Variants in ILRUN observed in about 807,000 individuals in gnomAD.
The protein encoded by ILRUN is protein ILRUN.
A neutral mutation model predicts 33.8 loss-of-function variants in ILRUN; 3 were observed. That is an observed-to-expected ratio of 0.09 (90% CI 0.04 to 0.23). The LOEUF (loss-of-function observed/expected upper bound fraction) is 0.23. ILRUN is among the 10% of genes least tolerant of loss of function. The pLI is 1.00. For synonymous variants in ILRUN, 124 were observed against 138.9 expected, an observed-to-expected ratio of 0.89 and a Z score of 0.75; for missense variants, 210 against 375.1, an observed-to-expected ratio of 0.56 and a Z score of 3.64.
chr6:34,646,443 A>G lies in ILRUN; in HGVS notation c.511+158T>C, dbSNP rs538104447. 6.6e-6 allele frequency among the ~76,000 whole-genome samples: 1 copy of G among 152,332 alleles called. No individual in the cohort carries two copies. Among genetic ancestry groups the G allele is most frequent in the Admixed American group, 6.5e-5 (1 of 15,302 alleles). ...AAAAGAAAGAGCACTAGACTAATCA[A>G]TTAGTCATAAAATGCAAATCATTTA... On this transcript the variant is annotated intron_variant, in intron 3 of 4. Coordinates refer to ENST00000374023, the MANE Select transcript of ILRUN (RefSeq NM_024294.4). The surrounding 1 kb of genome is among the most constrained non-coding windows in gnomAD (Gnocchi z 4.9).
At chr6:34,675,081 G>T (rs1424438759) in intron 1 of ILRUN, among the ~76,000 whole-genome samples, 1 of 152,148 alleles carries the variant, frequency 6.6e-6, no homozygotes, top group Non-Finnish European at 1.5e-5. Flanking sequence ...AAGAGTTCTA[G>T]ACCAGCCCGG....
intron 4 of ILRUN, among the ~76,000 whole-genome samples, chr6:34,594,441 A>T (rs1265079758): frequency 6.6e-6 from 1 of 152,178 alleles, no homozygotes; most frequent in East Asian, 1.9e-4. Flanking sequence ...CCAGAAAAAA[A>T]CTCTGGTATC....
chr6:34,596,009 C>T, intron 4 of ILRUN: 1 of 862,242 alleles, frequency 1.2e-6, no homozygotes, highest in Non-Finnish European at 1.4e-6. Context: ...ATTTATACTG[C>T]AAACATTGTG....
At position 34,646,810 on chromosome 6, in the gene ILRUN, C is replaced by CA; in HGVS notation, c.314-13dup. 6.2e-7 allele frequency: 1 copy of CA among 1,610,100 alleles called. No individual in the cohort carries two copies. Among genetic ancestry groups the CA allele is most frequent in the Admixed American group, 1.7e-5 (1 of 59,170 alleles). On this transcript the variant is annotated splice_polypyrimidine_tract_variant and intron_variant, in intron 2 of 4. Coordinates refer to ENST00000374023, the MANE Select transcript of ILRUN (RefSeq NM_024294.4). This position sits in a 1 kb window ranked among gnomAD's most constrained non-coding sequence, Gnocchi z 4.9. Reference sequence around the variant, plus strand: ...CCAGGCCTCTGCCCCTGAGTTCAAGCAAAAGAAAAAAATGTTAGGCAATCA... The same window carrying CA: ...CCAGGCCTCTGCCCCTGAGTTCAAGCAAAAAGAAAAAAATGTTAGGCAATCA...
chr6:34,633,915 G>A (rs1762301310), intron 3 of ILRUN, among the ~76,000 whole-genome samples: 3 of 109,156 alleles, frequency 2.7e-5, no homozygotes, highest in Middle Eastern at 0.011. Context: ...GAGGGAGGGA[G>A]GGAGGGAATG....
intron 1 of ILRUN, among the ~76,000 whole-genome samples, chr6:34,674,698 T>G (rs1298597002): frequency 1.3e-5 from 2 of 152,144 alleles, no homozygotes. Flanking sequence ...CATTTGTAAT[T>G]TGGATAAAAT....
intron 1 of ILRUN, among the ~76,000 whole-genome samples, chr6:34,694,984 G>A (rs1199159042): frequency 6.7e-6 from 1 of 149,274 alleles, no homozygotes; most frequent in Non-Finnish European, 1.5e-5. Context: ...CTGGGAGGCA[G>A]AGGTTGCAGT....
At position 34,588,395 on chromosome 6, in the gene ILRUN, C is replaced by G. The variant is rs2127303462; in HGVS notation, c.*2170G>C. The G allele has an allele frequency of 2.5e-6, 1 of 396,788 alleles. No individual in the cohort carries two copies. The highest frequency in any genetic ancestry group is 4.4e-6 in the Non-Finnish European group (1 of 225,426). The allele number at this position is 396,788 out of a possible 1,614,324, so 24.6% of individuals were successfully genotyped here. Reference sequence around the variant, plus strand: ...CCCAGTGTTGGGCAGAAGAGGAAGTCAGGAAAGCAGGGGTTGTGAAGCCTC... The same window carrying G: ...CCCAGTGTTGGGCAGAAGAGGAAGTGAGGAAAGCAGGGGTTGTGAAGCCTC... On this transcript the variant is annotated 3_prime_UTR_variant, in exon 5 of 5. Coordinates refer to ENST00000374023, the MANE Select transcript of ILRUN (RefSeq NM_024294.4).
chr6:34,653,070 C>G (rs1361934339), intron 2 of ILRUN, among the ~76,000 whole-genome samples: 1 of 149,010 alleles, frequency 6.7e-6, no homozygotes, highest in East Asian at 2.0e-4. Context: ...ATTATTTGAG[C>G]CCAGGAGGCC....
intron 1 of ILRUN, among the ~76,000 whole-genome samples, chr6:34,673,912 C>G (rs1289515037): frequency 6.6e-6 from 1 of 151,008 alleles, no homozygotes; most frequent in East Asian, 1.9e-4. Flanking sequence ...CATACACACA[C>G]ACACACACAC....
chr6:34,623,661 A>G (rs1017438424), intron 3 of ILRUN, among the ~76,000 whole-genome samples: 3 of 152,218 alleles, frequency 2.0e-5, no homozygotes, highest in African/African-American at 7.2e-5. Context: ...AATCAAAATG[A>G]TAGCTACAGT....
chr6:34,656,050 T>C (rs921120016), intron 1 of ILRUN, among the ~76,000 whole-genome samples: 1 of 151,806 alleles, frequency 6.6e-6, no homozygotes, highest in Admixed American at 6.6e-5. Context: ...CTGGCCAACA[T>C]AGTGAAACCC....
At chr6:34,696,363 T>C in intron 1 of ILRUN, 83 bp downstream of exon 1, 2 of 1,420,938 alleles carry the variant, frequency 1.4e-6, no homozygotes, top group South Asian at 2.7e-5. Context: ...TGGCTCGCCC[T>C]GCCGCCAAGC....
chr6:34,613,944 AC>A (rs1284012783), intron 3 of ILRUN, among the ~76,000 whole-genome samples: 2 of 152,322 alleles, frequency 1.3e-5, no homozygotes, highest in Non-Finnish European at 2.9e-5. Context: ...CATGGAAAAT[AC>A]AAGATGAATC....
Position 34,652,195 on chromosome 6 carries a change from T to C in ILRUN, c.313+2430A>G, listed in dbSNP as rs550262023. On this transcript the variant is annotated intron_variant, in intron 2 of 4. Coordinates refer to ENST00000374023, the MANE Select transcript of ILRUN (RefSeq NM_024294.4). ...ATGAAGAAACTGTCTTGATATTTTTTTAAAAGCAGGCAAAATCAAGCAAGG... is the reference window on the plus strand; with the variant it reads ...ATGAAGAAACTGTCTTGATATTTTTCTAAAAGCAGGCAAAATCAAGCAAGG... Among the ~76,000 whole-genome samples, 5 of 152,260 alleles carry C rather than the reference T, an allele frequency of 3.3e-5. No homozygotes were observed. In the East Asian group the frequency reaches 9.6e-4, roughly 29 times the overall value.
At chr6:34,620,147 G>A (rs1413960275) in intron 3 of ILRUN, among the ~76,000 whole-genome samples, 2 of 152,072 alleles carry the variant, frequency 1.3e-5, no homozygotes, top group East Asian at 3.8e-4. Flanking sequence ...CTAGCTGAAG[G>A]GGGCAGGGAT....
intron 2 of ILRUN, among the ~76,000 whole-genome samples, chr6:34,647,820 C>T (rs1474079744): frequency 6.6e-6 from 1 of 152,190 alleles, no homozygotes; most frequent in Admixed American, 6.5e-5. Context: ...GCCTCAGCCT[C>T]CCAAAGTGCT....
chr6:34,683,407 C>CATAT (rs200965425), intron 1 of ILRUN, among the ~76,000 whole-genome samples: 2 of 107,634 alleles, frequency 1.9e-5, no homozygotes, highest in African/African-American at 1.0e-4. Context: ...CACATATATA[C>CATAT]ATATATATAT....
intron 1 of ILRUN, among the ~76,000 whole-genome samples, chr6:34,664,344 C>A (rs79181288): frequency 0.01 from 1,586 of 152,072 alleles, 11 homozygotes; most frequent in Non-Finnish European, 0.016. Flanking sequence ...TGGGGTTTTG[C>A]GGGTTTTTTG....
Sources: allele counts gnomAD v4.1 joint callset (sites outside exome capture counted in the v4.1 genomes callset), GRCh38; gene constraint gnomAD v4.1.1; non-coding constraint Gnocchi (gnomAD v3.1); transcripts MANE v1.5; gene names NCBI Gene and HGNC (gene_info 2026-07-23, HGNC 2026-07-21).